Variants in RBM47 observed in about 807,000 individuals in gnomAD.
RBM47 encodes the protein RNA-binding protein 47.
RBM47 carries 21 observed loss-of-function variants against 47.1 expected under a neutral mutation model. That is an observed-to-expected ratio of 0.45 (90% CI 0.32 to 0.64). RBM47 has a LOEUF of 0.64. Among genes scored for constraint, RBM47 ranks in the 30% least tolerant of loss-of-function variants. RBM47 has a pLI of 0.05. For missense variants in RBM47, 708 were observed against 870.9 expected, an observed-to-expected ratio of 0.81 and a Z score of 2.35; for synonymous variants, 375 against 361.7, an observed-to-expected ratio of 1.04 and a Z score of -0.42.
intron 1 of RBM47, among the ~76,000 whole-genome samples, chr4:40,600,371 A>T (rs1200940359): frequency 4.0e-5 from 6 of 151,886 alleles, no homozygotes; most frequent in Admixed American, 6.6e-5. Flanking sequence ...GCGGTGGCTC[A>T]AGCCTGTAAT....
chr4:40,602,866 T>C (rs924362151), intron 1 of RBM47, among the ~76,000 whole-genome samples: 1 of 152,040 alleles, frequency 6.6e-6, no homozygotes, highest in Non-Finnish European at 1.5e-5. Flanking sequence ...TGAAGTATCA[T>C]ATATAAATAG....
intron 4 of RBM47, among the ~76,000 whole-genome samples, chr4:40,437,209 A>C (rs1344333892): frequency 7.1e-6 from 1 of 140,524 alleles, no homozygotes; most frequent in Non-Finnish European, 1.5e-5. Flanking sequence ...TTTTTTTTAA[A>C]GTTAGCTTTG....
At chr4:40,610,610 CAA>C (rs34149753) in intron 1 of RBM47, among the ~76,000 whole-genome samples, 15 of 52,802 alleles carry the variant, frequency 2.8e-4, no homozygotes, top group South Asian at 6.6e-4. Context: ...GACTCCATCT[CAA>C]AAAAAAAAAA....
At chr4:40,530,400 T>A (rs1265883130) in intron 2 of RBM47, among the ~76,000 whole-genome samples, 1 of 152,134 alleles carries the variant, frequency 6.6e-6, no homozygotes, top group Non-Finnish European at 1.5e-5. Context: ...ACCTCCTGGT[T>A]TCAAGCAATT....
In RBM47 at chr4:40,434,001, GGGTGT is replaced by G. The variant is rs1162324299; in HGVS notation, c.1331-1144_1331-1140del. On this transcript the variant is annotated intron_variant, in intron 5 of 6. Transcript: ENST00000295971. Reference sequence around the variant, plus strand: ...GTGTGAGTGTGTGTGTGTGGGGCGGGGGTGTGTGTGTGTGTGTGTGTGTGTGTGTG... The same window carrying G: ...GTGTGAGTGTGTGTGTGTGGGGCGGGGTGTGTGTGTGTGTGTGTGTGTGTG... 1.2e-3 allele frequency among the ~76,000 whole-genome samples: 75 copies of G among 62,196 alleles called. 13 individuals are homozygous for G. Among genetic ancestry groups the G allele is most frequent in the East Asian group, 9.8e-3 (17 of 1,736 alleles). The allele number at this position is 62,196 out of a possible 152,430, so 40.8% of individuals were successfully genotyped here. A position where few individuals can be genotyped will look rare whatever the true frequency, so the allele number is the denominator to read the frequency against.
At chr4:40,497,376 TGA>T (rs1036875215) in intron 2 of RBM47, among the ~76,000 whole-genome samples, 99 of 152,272 alleles carry the variant, frequency 6.5e-4, no homozygotes, top group African/African-American at 2.4e-3. Context: ...CCCAGCACTT[TGA>T]GAGGCCAAGG....
chr4:40,600,705 A>G (rs2340883), intron 1 of RBM47, among the ~76,000 whole-genome samples: 58,931 of 147,698 alleles, frequency 0.4, 12,080 homozygotes, highest in African/African-American at 0.51. Flanking sequence ...TCAAGGCCGG[A>G]CGCAGTGGCT....
chr4:40,439,039 T>A, intron 3 of RBM47, 115 bp from the exon 4 acceptor site: 1 of 904,178 alleles, frequency 1.1e-6, no homozygotes, highest in African/African-American at 1.7e-5. Flanking sequence ...GGAGGTGGTT[T>A]AAATGAGAAA....
At position 40,554,690 on chromosome 4, in the gene RBM47, A is replaced by G. The variant is rs553645953; in HGVS notation, c.-239-10184T>C. On this transcript the variant is annotated intron_variant, in intron 1 of 6. Coordinates refer to ENST00000295971, the MANE Select transcript of RBM47 (RefSeq NM_001098634.2). The stretch of plus-strand genomic sequence containing the variant: ...AGAGGAAGAAAAAAAATTTTAAAGA[A>G]ATAATTTAGCAGCAAAATCCGACGC... Among the ~76,000 whole-genome samples the G allele has an allele frequency of 4.6e-5, 7 of 152,152 alleles. No individual in the cohort carries two copies. The South Asian group carries it at 1.5e-3, about 32-fold the overall frequency.
At chr4:40,467,118 T>C (rs1216907061) in intron 2 of RBM47, among the ~76,000 whole-genome samples, 1 of 152,190 alleles carries the variant, frequency 6.6e-6, no homozygotes, top group Non-Finnish European at 1.5e-5. Context: ...GCTCATGGAC[T>C]TCCCAGCCAA....
At chr4:40,433,799 A>G (rs1051036578) in intron 5 of RBM47, among the ~76,000 whole-genome samples, 1 of 152,220 alleles carries the variant, frequency 6.6e-6, no homozygotes, top group Admixed American at 6.5e-5. Context: ...CAGTTTCCTC[A>G]TGCCCACGCA....
intron 2 of RBM47, among the ~76,000 whole-genome samples, chr4:40,497,818 TAA>T (rs36023190): frequency 1.4e-4 from 18 of 132,256 alleles, no homozygotes; most frequent in Admixed American, 1.5e-4. Flanking sequence ...TACAGCAAAT[TAA>T]AAAAAAAAAA....
At chr4:40,507,829 A>T (rs116368172) in intron 2 of RBM47, among the ~76,000 whole-genome samples, 1,731 of 152,148 alleles carry the variant, frequency 0.011, 31 homozygotes, top group East Asian at 0.05. Flanking sequence ...AACAAAACAA[A>T]TTTGAAGGGA....
intron 2 of RBM47, among the ~76,000 whole-genome samples, chr4:40,518,415 A>G (rs1725847697): frequency 6.6e-6 from 1 of 151,930 alleles, no homozygotes; most frequent in African/African-American, 2.4e-5. Context: ...AGCTCAAGTG[A>G]TCCACCTGCC....
chr4:40,507,026 G>C (rs1724188666), intron 2 of RBM47, among the ~76,000 whole-genome samples: 1 of 152,102 alleles, frequency 6.6e-6, no homozygotes, highest in South Asian at 2.1e-4. Context: ...GTGCGATCTT[G>C]GCTCGCTGCA....
chr4:40,556,513 A>G (rs906870960), intron 1 of RBM47, among the ~76,000 whole-genome samples: 5 of 152,092 alleles, frequency 3.3e-5, no homozygotes, highest in African/African-American at 1.2e-4. Context: ...TCTCAAAAAT[A>G]AAGTAATTGC....
chr4:40,489,997 G>A (rs528890479), intron 2 of RBM47, among the ~76,000 whole-genome samples: 3 of 152,292 alleles, frequency 2.0e-5, no homozygotes, highest in African/African-American at 7.2e-5. Flanking sequence ...AAATCAATCA[G>A]TGCAATACAC....
At chr4:40,470,806 G>C (rs1455451962) in intron 2 of RBM47, among the ~76,000 whole-genome samples, 1 of 152,114 alleles carries the variant, frequency 6.6e-6, no homozygotes, top group African/African-American at 2.4e-5. Flanking sequence ...GCAGTGGCGT[G>C]ATCTTGAATC....
chr4:40,531,798 C>A (rs1727413903), intron 2 of RBM47, among the ~76,000 whole-genome samples: 1 of 151,964 alleles, frequency 6.6e-6, no homozygotes, highest in African/African-American at 2.4e-5. Flanking sequence ...CTGGCTAGTG[C>A]AGTAATTTAG....
Sources: allele counts gnomAD v4.1 joint callset (sites outside exome capture counted in the v4.1 genomes callset), GRCh38; gene constraint gnomAD v4.1.1; transcripts MANE v1.5; gene names NCBI Gene and HGNC (gene_info 2026-07-23, HGNC 2026-07-21).